Variants in SYNPR observed in about 807,000 individuals in gnomAD.
SYNPR encodes the protein synaptoporin.
In SYNPR, 23 loss-of-function variants were observed where a neutral mutation model predicts 32.9. The observed-to-expected ratio is 0.70, with a 90% CI of 0.50 to 0.99. The LOEUF (loss-of-function observed/expected upper bound fraction) is 0.99. Among genes scored for constraint, SYNPR ranks in the 50% least tolerant of loss-of-function variants. The pLI, the probability that SYNPR is intolerant of heterozygous loss-of-function variation, is 0.00. For synonymous variants in SYNPR, 146 were observed against 135.9 expected (o/e 1.07, Z -0.52); for missense variants, 318 against 349.3 (o/e 0.91, Z 0.71).
intron 3 of SYNPR, among the ~76,000 whole-genome samples, chr3:63,537,704 G>C (rs1251458400): frequency 1.3e-5 from 2 of 152,100 alleles, no homozygotes; most frequent in African/African-American, 4.8e-5. Context: ...AAGTGTCTTA[G>C]AGTTCAGCCT....
chr3:63,317,819 G>A (rs2087059069), intron 2 of SYNPR, among the ~76,000 whole-genome samples: 1 of 151,446 alleles, frequency 6.6e-6, no homozygotes, highest in Admixed American at 6.6e-5. Context: ...TTTTATTTTT[G>A]CTTTTAACAC....
intron 2 of SYNPR, among the ~76,000 whole-genome samples, chr3:63,386,761 G>C (rs908168159): frequency 6.6e-6 from 1 of 152,152 alleles, no homozygotes; most frequent in African/African-American, 2.4e-5. Flanking sequence ...GGTCAGCCTG[G>C]TGGGAGCCAG....
chr3:63,568,207 T>C (rs1702826208), intron 4 of SYNPR, among the ~76,000 whole-genome samples: 1 of 152,194 alleles, frequency 6.6e-6, no homozygotes, highest in South Asian at 2.1e-4. Context: ...ATTCTCCAAA[T>C]ACCATTAAGG....
chr3:63,385,202 T>C (rs1456230346), intron 2 of SYNPR, among the ~76,000 whole-genome samples: 1 of 152,200 alleles, frequency 6.6e-6, no homozygotes. Context: ...GATAATAGCA[T>C]TAAATTCTTC....
Position 63,350,237 on chromosome 3 carries a change from CACACAT to C in SYNPR, c.84+71499_84+71504del, listed in dbSNP as rs199908709. The stretch of plus-strand genomic sequence containing the variant: ...CTACACACACACACACACACACACA[CACACAT>C]ACAAACACAATTATTAACTCTATAG... On this transcript the variant is annotated intron_variant, in intron 2 of 5. Transcript: ENST00000478300. 1.7e-4 allele frequency among the ~76,000 whole-genome samples: 24 copies of C among 140,740 alleles called. No homozygotes were observed. In the Middle Eastern group the frequency reaches 0.011, roughly 63 times the overall value. The allele number at this position is 140,740 out of a possible 152,430, so 92.3% of individuals were successfully genotyped here.
At chr3:63,387,976 G>C (rs1422170755) in intron 2 of SYNPR, among the ~76,000 whole-genome samples, 1 of 152,158 alleles carries the variant, frequency 6.6e-6, no homozygotes, top group Non-Finnish European at 1.5e-5. Flanking sequence ...GATGGGAGCA[G>C]GCTGGGGCAG....
At chr3:63,552,911 T>A (rs1702528313) in intron 3 of SYNPR, among the ~76,000 whole-genome samples, 1 of 152,224 alleles carries the variant, frequency 6.6e-6, no homozygotes, top group Admixed American at 6.5e-5. Context: ...CCCATTATTA[T>A]GTTATTAACA....
intron 2 of SYNPR, among the ~76,000 whole-genome samples, chr3:63,284,293 A>T (rs1280040124): frequency 1.3e-5 from 2 of 152,148 alleles, no homozygotes; most frequent in African/African-American, 4.8e-5. Flanking sequence ...GTTGTTCAGA[A>T]CTACACTGGT....
intron 2 of SYNPR, among the ~76,000 whole-genome samples, chr3:63,313,797 C>A (rs1318951986): frequency 3.7e-4 from 3 of 8,136 alleles, no homozygotes; most frequent in Admixed American, 1.7e-3. Flanking sequence ...ATATATATAT[C>A]CATATATATA....
At chr3:63,303,484 C>T (rs2086878115) in intron 2 of SYNPR, among the ~76,000 whole-genome samples, 1 of 151,956 alleles carries the variant, frequency 6.6e-6, no homozygotes, top group South Asian at 2.1e-4. Context: ...GTATGTGAAC[C>T]ATGTGTATGA....
At chr3:63,419,475 C>T (rs9830178) in intron 2 of SYNPR, among the ~76,000 whole-genome samples, 14,277 of 152,224 alleles carry the variant, frequency 0.094, 1,554 homozygotes, top group African/African-American at 0.26. Flanking sequence ...AGATTGAACT[C>T]AGACAGCCCT....
intron 2 of SYNPR, among the ~76,000 whole-genome samples, chr3:63,375,090 C>T (rs1264205000): frequency 6.6e-6 from 1 of 152,088 alleles, no homozygotes; most frequent in Non-Finnish European, 1.5e-5. Context: ...GGAGAGGATG[C>T]AGAGAAATAG....
intron 2 of SYNPR, among the ~76,000 whole-genome samples, chr3:63,294,382 A>T (rs1408435902): frequency 6.6e-6 from 1 of 152,218 alleles, no homozygotes; most frequent in Non-Finnish European, 1.5e-5. Flanking sequence ...ATCTTGATTG[A>T]CTTTGTACTC....
At chr3:63,601,183 G>A (rs1235349038) in intron 4 of SYNPR, among the ~76,000 whole-genome samples, 3 of 151,702 alleles carry the variant, frequency 2.0e-5, no homozygotes, top group Non-Finnish European at 4.4e-5. Context: ...TGAGGGAGGA[G>A]AATCGCTTGA....
chr3:63,203,668 A>C, the SYNPR span, among the ~76,000 whole-genome samples: 1 of 152,188 alleles, frequency 6.6e-6, no homozygotes, highest in Non-Finnish European at 1.5e-5. Flanking sequence ...TGATCCTCTC[A>C]CATGCTACCT....
chr3:63,440,260 G>T (rs963795702), intron 2 of SYNPR, among the ~76,000 whole-genome samples: 3 of 152,176 alleles, frequency 2.0e-5, no homozygotes, highest in African/African-American at 7.2e-5. Flanking sequence ...CAAAGGCATG[G>T]AAGGTGAGTG....
At chr3:63,302,485 G>T (rs1358069089) in intron 2 of SYNPR, among the ~76,000 whole-genome samples, 1 of 151,968 alleles carries the variant, frequency 6.6e-6, no homozygotes, top group East Asian at 1.9e-4. Flanking sequence ...GCAGAAACAG[G>T]ATTTAAATAT....
chr3:63,219,509 G>A, the SYNPR span, among the ~76,000 whole-genome samples: 1 of 152,136 alleles, frequency 6.6e-6, no homozygotes, highest in Admixed American at 6.5e-5. Flanking sequence ...GGAGTTAGGA[G>A]TGCTAACCTC....
At chr3:63,261,177 A>G (rs186503006) in intron 2 of SYNPR, among the ~76,000 whole-genome samples, 96 of 152,256 alleles carry the variant, frequency 6.3e-4, no homozygotes, top group African/African-American at 2.1e-3. Flanking sequence ...AGGGCTTTAG[A>G]ACTAGAAATA....
Sources: gnomAD v4.1 joint callset for allele counts (sites outside exome capture counted in the v4.1 genomes callset) on GRCh38, gnomAD v4.1.1 for gene constraint, MANE v1.5 for transcripts, NCBI Gene and HGNC (gene_info 2026-07-23, HGNC 2026-07-21) for gene names.